Variants in ATP9A observed in about 807,000 individuals in gnomAD.
ATP9A encodes ATPase phospholipid transporting 9A.
A neutral mutation model predicts 144.1 loss-of-function variants in ATP9A; 52 were observed. The observed-to-expected ratio is 0.36, with a 90% CI of 0.29 to 0.45. The LOEUF is 0.45. Among genes scored for constraint, ATP9A ranks in the 20% least tolerant of loss-of-function variants. The pLI is 1.00. For missense variants in ATP9A, 947 were observed against 1,392.7 expected (o/e 0.68, Z 5.09); for synonymous variants, 582 against 557.4 (o/e 1.04, Z -0.62).
chr20:51,735,761 T>C (rs2077760296), intron 1 of ATP9A, among the ~76,000 whole-genome samples: 1 of 152,242 alleles, frequency 6.6e-6, no homozygotes, highest in Non-Finnish European at 1.5e-5. Context: ...CAGGACTTAT[T>C]TGACTTTCAA....
At chr20:51,620,958 G>A (rs2077224463) in intron 19 of ATP9A, among the ~76,000 whole-genome samples, 1 of 151,976 alleles carries the variant, frequency 6.6e-6, no homozygotes, top group South Asian at 2.1e-4. Flanking sequence ...GACCAGCCTG[G>A]CCAAAATGGT....
chr20:51,738,075 C>A (rs1233260829), intron 1 of ATP9A, among the ~76,000 whole-genome samples: 2 of 150,188 alleles, frequency 1.3e-5, no homozygotes, highest in Non-Finnish European at 2.9e-5. Flanking sequence ...GTTGCCCAGG[C>A]TGGAGTGCAG....
chr20:51,765,800 T>C (rs1601153333), intron 1 of ATP9A, among the ~76,000 whole-genome samples: 1 of 152,014 alleles, frequency 6.6e-6, no homozygotes, highest in South Asian at 2.1e-4. Flanking sequence ...CTACTAAAAA[T>C]ACAAAGATTA....
At chr20:51,620,073 G>A (rs1280955761) in intron 19 of ATP9A, among the ~76,000 whole-genome samples, 1 of 152,130 alleles carries the variant, frequency 6.6e-6, no homozygotes, top group Non-Finnish European at 1.5e-5. Context: ...TGTAGCCCAG[G>A]TATGCAGAGC....
chr20:51,637,212 A>G (rs2077295888), intron 15 of ATP9A, among the ~76,000 whole-genome samples: 1 of 151,378 alleles, frequency 6.6e-6, no homozygotes, highest in African/African-American at 2.4e-5. Context: ...TACACGGTAA[A>G]TGATCAAGGA....
At chr20:51,622,854 T>A (rs1307375654) in intron 18 of ATP9A, among the ~76,000 whole-genome samples, 4 of 152,080 alleles carry the variant, frequency 2.6e-5, no homozygotes, top group Non-Finnish European at 5.9e-5. Context: ...TGCTCCCAGC[T>A]GGGAGCAGTC....
rs575705502 is a variant in ATP9A, at chr20:51,644,652, C to T, written c.1507-5148G>A. 2.2e-3 allele frequency among the ~76,000 whole-genome samples: 339 copies of T among 152,050 alleles called. 1 individual carries two copies. Among genetic ancestry groups the T allele is most frequent in the Non-Finnish European group, 3.3e-3 (226 of 67,970 alleles). On this transcript the variant is annotated intron_variant, in intron 14 of 27. Coordinates refer to ENST00000338821, the MANE Select transcript of ATP9A (RefSeq NM_006045.3). ...GTTTAACTTTAATTAAATAAACATC[C>T]CAATACAATTCAAATATTACAAATA...
At position 51,642,754 on chromosome 20, in the gene ATP9A, A is replaced by G. The variant is rs923982053; in HGVS notation, c.1507-3250T>C. The stretch of plus-strand genomic sequence containing the variant: ...AAAAAAAAAAAAAAAAAAAAAAAAA[A>G]AAAAAAAAAACCTGGCGTTCCTCTT... On this transcript the variant is annotated intron_variant, in intron 14 of 27. Transcript: ENST00000338821. Among the ~76,000 whole-genome samples the G allele has an allele frequency of 5.3e-5, 7 of 132,534 alleles. No individual in the cohort carries two copies. In the East Asian group the frequency reaches 1.7e-3, roughly 32 times the overall value. 86.9% of individuals were successfully genotyped at this position (132,534 alleles called of 152,430 possible).
At chr20:51,696,774 C>G (rs1034655540) in intron 5 of ATP9A, among the ~76,000 whole-genome samples, 2 of 152,170 alleles carry the variant, frequency 1.3e-5, no homozygotes, top group Non-Finnish European at 2.9e-5. Context: ...TTTAAAAGAG[C>G]ATAGCTCAAT....
intron 13 of ATP9A, among the ~76,000 whole-genome samples, chr20:51,665,372 T>C (rs1342736647): frequency 1.3e-5 from 2 of 152,198 alleles, no homozygotes; most frequent in South Asian, 2.1e-4. Flanking sequence ...AATCATATGC[T>C]TAAAAGAGCA....
chr20:51,695,352 G>A (rs1386868940), intron 6 of ATP9A, among the ~76,000 whole-genome samples: 3 of 151,502 alleles, frequency 2.0e-5, no homozygotes, highest in East Asian at 1.9e-4. Flanking sequence ...GCATGGTGGT[G>A]CACGGGAGGC....
At chr20:51,619,118 A>G in intron 19 of ATP9A, 75 bp from the exon 20 acceptor site, 1 of 1,361,518 alleles carries the variant, frequency 7.3e-7, no homozygotes, top group Non-Finnish European at 1.0e-6. Context: ...GGCTTCCAGG[A>G]GCCCACATGA....
At chr20:51,695,820 G>A (rs1372512716) in intron 6 of ATP9A, among the ~76,000 whole-genome samples, 1 of 152,164 alleles carries the variant, frequency 6.6e-6, no homozygotes, top group Non-Finnish European at 1.5e-5. Flanking sequence ...AACACAGCCG[G>A]GAGAGGAAAT....
At chr20:51,747,729 C>T (rs1466294212) in intron 1 of ATP9A, among the ~76,000 whole-genome samples, 1 of 152,090 alleles carries the variant, frequency 6.6e-6, no homozygotes, top group African/African-American at 2.4e-5. Flanking sequence ...TATTCTGCTG[C>T]TCAGCAGACC....
chr20:51,761,135 G>A (rs887946586), intron 1 of ATP9A, among the ~76,000 whole-genome samples: 23 of 152,048 alleles, frequency 1.5e-4, no homozygotes, highest in Non-Finnish European at 2.4e-4. Flanking sequence ...AGTAAAGCAA[G>A]AATAAAAAAA....
intron 14 of ATP9A, among the ~76,000 whole-genome samples, chr20:51,645,052 T>C (rs2077336634): frequency 6.6e-6 from 1 of 152,204 alleles, no homozygotes; most frequent in East Asian, 1.9e-4. Context: ...TGAATAACTA[T>C]AACCTGAAAT....
At chr20:51,689,597 G>T (rs2077538264) in intron 8 of ATP9A, among the ~76,000 whole-genome samples, 1 of 151,104 alleles carries the variant, frequency 6.6e-6, no homozygotes, top group Non-Finnish European at 1.5e-5. Context: ...GAGTGCAGTG[G>T]CGCGATCTCG....
rs1359089001 is a variant in ATP9A, at chr20:51,611,993, A to G, written c.2571+1684T>C. ...CATTGTACAAGGCAGACCGCCTTTC[A>G]AGTATGATTAAACATTCTCACAAAT... On this transcript the variant is annotated intron_variant, in intron 23 of 27. Transcript: ENST00000338821. The surrounding 1 kb of genome is among the most constrained non-coding windows in gnomAD (Gnocchi z 4.2). Among the ~76,000 whole-genome samples, 2 of 152,266 alleles carry G rather than the reference A, an allele frequency of 1.3e-5. No homozygotes were observed. Among genetic ancestry groups the G allele is most frequent in the Non-Finnish European group, 1.5e-5 (1 of 68,042 alleles).
At chr20:51,709,690 G>T (rs1480609695) in intron 4 of ATP9A, among the ~76,000 whole-genome samples, 1 of 152,178 alleles carries the variant, frequency 6.6e-6, no homozygotes, top group Non-Finnish European at 1.5e-5. Context: ...TCCCACCACT[G>T]CACTCCAACC....
Sources: allele counts gnomAD v4.1 joint callset (sites outside exome capture counted in the v4.1 genomes callset), GRCh38; gene constraint gnomAD v4.1.1; non-coding constraint Gnocchi (gnomAD v3.1); transcripts MANE v1.5; gene names NCBI Gene and HGNC (gene_info 2026-07-23, HGNC 2026-07-21).